NRG1: variants seen among roughly 807,000 people sequenced by gnomAD.
NRG1 encodes neuregulin 1, also known as pro-neuregulin-1, membrane-bound isoform.
NRG1 carries 18 observed loss-of-function variants against 63.8 expected under a neutral mutation model. The ratio of observed to expected loss-of-function variants is 0.28; its 90% CI spans 0.19 to 0.42. NRG1 has a LOEUF of 0.42. NRG1 is among the 10% of genes least tolerant of loss of function. The pLI, the probability that NRG1 is intolerant of heterozygous loss-of-function variation, is 1.00. For synonymous variants in NRG1, 302 were observed against 301.3 expected (o/e 1.00, Z -0.02); for missense variants, 762 against 814.7 (o/e 0.94, Z 0.79).
rs564262025 is a variant in NRG1, at chr8:31,908,184, C to T, written c.37+268753C>T. 4.7e-4 allele frequency among the ~76,000 whole-genome samples: 72 copies of T among 152,318 alleles called. 1 individual carries two copies. Among genetic ancestry groups the T allele is most frequent in the Non-Finnish European group, 7.8e-4 (53 of 68,038 alleles). The stretch of plus-strand genomic sequence containing the variant: ...TTAGTGATCTTTCTTTGCTCATTAA[C>T]ACCTCTCCCTGTAGGCAGAGAGAAA... On this transcript the variant is annotated intron_variant, in intron 1 of 10. Transcript: ENST00000519301.
intron 1 of NRG1, among the ~76,000 whole-genome samples, chr8:31,838,599 C>A (rs141226385): frequency 4.7e-4 from 71 of 152,150 alleles, no homozygotes; most frequent in Middle Eastern, 3.4e-3. Flanking sequence ...TTTAAGCATT[C>A]TTTTATGTTT....
At chr8:32,048,358 T>C (rs1344980599) in intron 1 of NRG1, among the ~76,000 whole-genome samples, 4 of 149,086 alleles carry the variant, frequency 2.7e-5, no homozygotes, top group African/African-American at 9.8e-5. Flanking sequence ...AATATACATA[T>C]ATGCATGTAT....
chr8:32,573,744 T>A (rs2129529202), intron 1 of NRG1, among the ~76,000 whole-genome samples: 1 of 152,248 alleles, frequency 6.6e-6, no homozygotes, highest in South Asian at 2.1e-4. Context: ...GTTGGTGTGC[T>A]GCACCCATTA....
chr8:31,842,601 GC>G (rs1316782217), intron 1 of NRG1, among the ~76,000 whole-genome samples: 4 of 151,980 alleles, frequency 2.6e-5, no homozygotes, highest in Non-Finnish European at 5.9e-5. Context: ...ACTCCTTCCT[GC>G]ACTTTTATCA....
At chr8:32,291,173 T>G (rs1406997162) in intron 1 of NRG1, among the ~76,000 whole-genome samples, 2 of 152,204 alleles carry the variant, frequency 1.3e-5, no homozygotes, top group Non-Finnish European at 2.9e-5. Flanking sequence ...TTCAACTGAC[T>G]AGATGAGATC....
intron 1 of NRG1, among the ~76,000 whole-genome samples, chr8:31,828,523 CTGAT>C (rs1441974442): frequency 1.3e-5 from 2 of 152,186 alleles, no homozygotes; most frequent in Non-Finnish European, 2.9e-5. Flanking sequence ...GCTCAGGTCT[CTGAT>C]TGCATTTCCA....
intron 1 of NRG1, among the ~76,000 whole-genome samples, chr8:31,854,883 C>T (rs1827678441): frequency 6.6e-6 from 1 of 152,148 alleles, no homozygotes. Flanking sequence ...AGTAGTCATT[C>T]AGGAGCAGGT....
chr8:31,680,275 A>G lies in NRG1; in HGVS notation c.37+40844A>G, dbSNP rs796267438. Reference sequence around the variant, plus strand: ...CATCTAGCATTAGGTATATCTCCCAATGCTATCCCTCTCCCCTCCCCCCAC... The same window carrying G: ...CATCTAGCATTAGGTATATCTCCCAGTGCTATCCCTCTCCCCTCCCCCCAC... On this transcript the variant is annotated intron_variant, in intron 1 of 10. Transcript: ENST00000519301. 5.5e-4 allele frequency among the ~76,000 whole-genome samples: 81 copies of G among 147,858 alleles called. 1 individual carries two copies. The highest frequency in any genetic ancestry group is 1.1e-3 in the Admixed American group (16 of 14,842).
chr8:31,802,359 G>C (rs1407839593), intron 1 of NRG1, among the ~76,000 whole-genome samples: 1 of 152,134 alleles, frequency 6.6e-6, no homozygotes, highest in East Asian at 1.9e-4. Context: ...ACAGTGGAGA[G>C]AATTTGCCAC....
chr8:31,840,229 C>G (rs1046443190), intron 1 of NRG1, among the ~76,000 whole-genome samples: 1 of 152,054 alleles, frequency 6.6e-6, no homozygotes, highest in South Asian at 2.1e-4. Context: ...ACAAAGCCAG[C>G]CAGTCTACCT....
At chr8:32,756,614 C>CT (rs1197501078) in intron 9 of NRG1, 85 bp downstream of exon 9, 26 of 1,462,784 alleles carry the variant, frequency 1.8e-5, no homozygotes, top group African/African-American at 5.7e-5. Flanking sequence ...AGCTCTTAAG[C>CT]TTTTAGCTGC....
chr8:32,222,854 CT>C (rs1281150521), intron 1 of NRG1, among the ~76,000 whole-genome samples: 1 of 152,156 alleles, frequency 6.6e-6, no homozygotes, highest in African/African-American at 2.4e-5. Flanking sequence ...CAAAACACAG[CT>C]TCACAGTCTT....
At chr8:32,544,046 G>A (rs1832821605), upstream of NRG1, among the ~76,000 whole-genome samples, 3 of 152,086 alleles carry the variant, frequency 2.0e-5, no homozygotes, top group Non-Finnish European at 4.4e-5. Flanking sequence ...TCAGTTTTGT[G>A]TGTATTCCTT....
At chr8:32,645,899 ACAGT>A (rs1220665129) in intron 5 of NRG1, among the ~76,000 whole-genome samples, 5 of 152,226 alleles carry the variant, frequency 3.3e-5, no homozygotes, top group African/African-American at 9.6e-5. Flanking sequence ...AAAGAAAAAA[ACAGT>A]CAGCATTGAA....
At chr8:32,101,364 C>T (rs1257016370) in intron 1 of NRG1, among the ~76,000 whole-genome samples, 3 of 151,864 alleles carry the variant, frequency 2.0e-5, no homozygotes, top group South Asian at 2.1e-4. Context: ...CACAAAGCAG[C>T]GTTGCTCAAA....
At chr8:32,704,533 A>C (rs966155060) in intron 5 of NRG1, among the ~76,000 whole-genome samples, 1 of 152,234 alleles carries the variant, frequency 6.6e-6, no homozygotes, top group South Asian at 2.1e-4. Flanking sequence ...TAAGATAAAC[A>C]AACAAAAGGC....
intron 1 of NRG1, among the ~76,000 whole-genome samples, chr8:31,936,993 C>T (rs1407004354): frequency 6.6e-6 from 1 of 152,126 alleles, no homozygotes; most frequent in Non-Finnish European, 1.5e-5. Flanking sequence ...GTAAAAAAAG[C>T]ATTGGGAAGA....
intron 1 of NRG1, among the ~76,000 whole-genome samples, chr8:32,144,130 C>G (rs1836603944): frequency 6.6e-6 from 1 of 152,198 alleles, no homozygotes; most frequent in Non-Finnish European, 1.5e-5. Flanking sequence ...CCTTATCACA[C>G]AGAGGCATCT....
chr8:31,841,954 A>G (rs1285568698), intron 1 of NRG1, among the ~76,000 whole-genome samples: 1 of 152,164 alleles, frequency 6.6e-6, no homozygotes, highest in Non-Finnish European at 1.5e-5. Flanking sequence ...GGGAGCCCCA[A>G]TATGTACAAG....
Sources: allele counts gnomAD v4.1 joint callset (sites outside exome capture counted in the v4.1 genomes callset), GRCh38; gene constraint gnomAD v4.1.1; transcripts MANE v1.5; gene names NCBI Gene and HGNC (gene_info 2026-07-23, HGNC 2026-07-21).